TMEM116: variants seen among roughly 807,000 people sequenced by gnomAD.
TMEM116 encodes the protein transmembrane protein 116.
TMEM116 carries 38 observed loss-of-function variants against 44.3 expected under a neutral mutation model. The observed-to-expected ratio is 0.86, with a 90% CI of 0.66 to 1.12. TMEM116 has a LOEUF of 1.12. Among genes scored for constraint, TMEM116 ranks in the 50% most tolerant of loss-of-function variants. The pLI is 0.00. For missense variants in TMEM116, 354 were observed against 401.7 expected (o/e 0.88, Z 1.01); for synonymous variants, 132 against 144.8 (o/e 0.91, Z 0.64).
At chr12:112,008,101 T>C (rs965496121) in intron 1 of TMEM116, among the ~76,000 whole-genome samples, 6 of 152,154 alleles carry the variant, frequency 3.9e-5, no homozygotes, top group African/African-American at 9.6e-5. Flanking sequence ...GAGGATCTCT[T>C]GAGGCTGAGG....
At chr12:111,999,898 T>G (rs2077158166) in intron 3 of TMEM116, among the ~76,000 whole-genome samples, 1 of 152,146 alleles carries the variant, frequency 6.6e-6, no homozygotes, top group Admixed American at 6.5e-5. Flanking sequence ...TTCACAACAG[T>G]CTTCTTGTGT....
intron 4 of TMEM116, among the ~76,000 whole-genome samples, chr12:111,963,617 G>A (rs2074767129): frequency 6.6e-6 from 1 of 151,934 alleles, no homozygotes; most frequent in South Asian, 2.1e-4. Flanking sequence ...GTGGGACAAT[G>A]AGAACACATG....
chr12:111,949,668 G>A (rs928526012), intron 4 of TMEM116, among the ~76,000 whole-genome samples: 3 of 152,118 alleles, frequency 2.0e-5, no homozygotes, highest in Non-Finnish European at 2.9e-5. Flanking sequence ...TAATACACCT[G>A]TTATTAGACT....
chr12:111,941,814 C>T (rs955765278), intron 5 of TMEM116, among the ~76,000 whole-genome samples: 1 of 151,904 alleles, frequency 6.6e-6, no homozygotes, highest in African/African-American at 2.4e-5. Context: ...TCTAGAACAA[C>T]ATAAAAAAGT....
At chr12:111,975,749 A>T (rs1463388718) in intron 4 of TMEM116, among the ~76,000 whole-genome samples, 1 of 152,076 alleles carries the variant, frequency 6.6e-6, no homozygotes, top group Non-Finnish European at 1.5e-5. Context: ...CAATTAGTCA[A>T]CTTCGGCCCC....
chr12:111,992,516 T>G (rs1261815693), intron 3 of TMEM116, among the ~76,000 whole-genome samples: 1 of 152,006 alleles, frequency 6.6e-6, no homozygotes, highest in African/African-American at 2.4e-5. Flanking sequence ...TGATCCACCC[T>G]CCTCGGCCTC....
intron 4 of TMEM116, among the ~76,000 whole-genome samples, chr12:111,973,753 C>A (rs2075498401): frequency 6.6e-6 from 1 of 151,828 alleles, no homozygotes; most frequent in Non-Finnish European, 1.5e-5. Context: ...GAGTTTGAGA[C>A]CAGCCTGGCC....
At chr12:112,004,344 G>C (rs995715512) in intron 2 of TMEM116, among the ~76,000 whole-genome samples, 2 of 151,558 alleles carry the variant, frequency 1.3e-5, no homozygotes, top group African/African-American at 2.4e-5. Context: ...GAGTACAGTC[G>C]TACAATCATA....
chr12:111,994,213 C>T (rs974729504), intron 3 of TMEM116, among the ~76,000 whole-genome samples: 7 of 151,964 alleles, frequency 4.6e-5, no homozygotes, highest in African/African-American at 1.7e-4. Context: ...TTCAAATTTA[C>T]TATTGAAATA....
intron 4 of TMEM116, among the ~76,000 whole-genome samples, chr12:111,960,280 G>C (rs1464157723): frequency 1.3e-5 from 2 of 151,944 alleles, no homozygotes; most frequent in East Asian, 1.9e-4. Context: ...ACAAGGTCAG[G>C]AGATCGAGAC....
intron 4 of TMEM116, among the ~76,000 whole-genome samples, chr12:111,958,774 A>C (rs901764725): frequency 1.3e-5 from 2 of 152,200 alleles, no homozygotes; most frequent in Non-Finnish European, 2.9e-5. Context: ...TGAATGAAAT[A>C]AAGTGAGAAG....
At chr12:111,997,668 C>CTAT (rs2077003955) in intron 3 of TMEM116, among the ~76,000 whole-genome samples, 1 of 152,116 alleles carries the variant, frequency 6.6e-6, no homozygotes, top group Non-Finnish European at 1.5e-5. Flanking sequence ...CTCTTTCTCC[C>CTAT]AAGCCCACCT....
chr12:112,011,832 G>A (rs914874820), intron 1 of TMEM116: 3 of 152,204 alleles, frequency 2.0e-5, no homozygotes, highest in Non-Finnish European at 4.4e-5. Flanking sequence ...CCAAGTACCT[G>A]GGACCACAGG....
intron 5 of TMEM116, among the ~76,000 whole-genome samples, chr12:111,942,604 G>C (rs1258859917): frequency 6.6e-6 from 1 of 152,106 alleles, no homozygotes; most frequent in Admixed American, 6.6e-5. Context: ...AATTGGAGGT[G>C]CAAGAAAGGG....
intron 3 of TMEM116, among the ~76,000 whole-genome samples, chr12:111,995,491 C>T (rs1254727330): frequency 6.6e-6 from 1 of 152,128 alleles, no homozygotes; most frequent in East Asian, 1.9e-4. Flanking sequence ...CGTCTGTAAT[C>T]TCTGCACTTT....
intron 5 of TMEM116, among the ~76,000 whole-genome samples, chr12:111,940,493 A>ACG (rs1264666230): frequency 2.3e-4 from 33 of 140,954 alleles, no homozygotes; most frequent in Non-Finnish European, 4.4e-4. Flanking sequence ...ACACACACAC[A>ACG]CACACATATA....
At chr12:111,965,211 C>CTAGA (rs1336266898) in intron 4 of TMEM116, among the ~76,000 whole-genome samples, 11 of 151,968 alleles carry the variant, frequency 7.2e-5, no homozygotes, top group Non-Finnish European at 1.2e-4. Flanking sequence ...CAAGAGCCAG[C>CTAGA]TAGAGAGTAA....
chr12:111,995,120 G>A (rs2076857917), intron 3 of TMEM116, among the ~76,000 whole-genome samples: 1 of 152,132 alleles, frequency 6.6e-6, no homozygotes, highest in South Asian at 2.1e-4. Context: ...AATCCTGCAT[G>A]CAATTTTGTA....
At chr12:111,951,878 T>A (rs2073760702) in intron 4 of TMEM116, among the ~76,000 whole-genome samples, 1 of 152,060 alleles carries the variant, frequency 6.6e-6, no homozygotes, top group Non-Finnish European at 1.5e-5. Context: ...GTTAGCAACA[T>A]CCCAATACAA....
Sources: allele counts gnomAD v4.1 joint callset (sites outside exome capture counted in the v4.1 genomes callset), GRCh38; gene constraint gnomAD v4.1.1; transcripts MANE v1.5; gene names NCBI Gene and HGNC (gene_info 2026-07-23, HGNC 2026-07-21).